PCDHGB5: variants seen among roughly 807,000 people sequenced by gnomAD.
PCDHGB5 encodes protocadherin gamma-B5.
Under a neutral mutation model 62.9 loss-of-function variants are expected in PCDHGB5, and 48 were observed. The observed-to-expected ratio is 0.76, with a 90% CI of 0.61 to 0.97. PCDHGB5 has a LOEUF of 0.97. PCDHGB5 is among the 50% of genes least tolerant of loss of function. The pLI is 0.00. For missense variants in PCDHGB5, 1,118 were observed against 1,198.6 expected, an observed-to-expected ratio of 0.93 and a Z score of 0.99; for synonymous variants, 474 against 511.2, an observed-to-expected ratio of 0.93 and a Z score of 0.98.
intron 1 of PCDHGB5, among the ~76,000 whole-genome samples, chr5:141,459,691 C>T (rs754899227): frequency 3.9e-5 from 6 of 152,158 alleles, no homozygotes; most frequent in East Asian, 1.9e-4. Flanking sequence ...TAAAGCGTTC[C>T]GCTTGCTACA....
chr5:141,420,963 A>T, intron 1 of PCDHGB5: 1 of 430,262 alleles, frequency 2.3e-6, no homozygotes, highest in Non-Finnish European at 4.1e-6. Flanking sequence ...TAGTCGTTGC[A>T]ATAATAAGAA....
At chr5:141,501,510 T>G (rs11744379) in intron 2 of PCDHGB5, among the ~76,000 whole-genome samples, 29,206 of 151,772 alleles carry the variant, frequency 0.19, 2,837 homozygotes, top group Middle Eastern at 0.24. Context: ...CTCCAAGGCC[T>G]CCAAGCTGAA....
At chr5:141,424,726 T>C (rs1041673348) in intron 1 of PCDHGB5, 7 of 152,218 alleles carry the variant, frequency 4.6e-5, no homozygotes, top group African/African-American at 4.8e-5. Context: ...TTGGGAGTCA[T>C]AGATTCCTTC....
rs1031624761 is a variant in PCDHGB5 at position 141,433,138 on chromosome 5, G to A, written c.2397+32614G>A. The A allele has an allele frequency of 2.5e-6, 4 of 1,614,038 alleles. No individual in the cohort carries two copies. In the Admixed American group the frequency reaches 6.7e-5, roughly 27 times the overall value. On this transcript the variant is annotated intron_variant, in intron 1 of 3. Coordinates refer to ENST00000617380, the MANE Select transcript of PCDHGB5 (RefSeq NM_018925.3). ...TTGAAAAAAGCGAGCCCCTTTTGCT[G>A]TCAGGTGATTCGGTATTTTCTAAAG...
chr5:141,413,578 C>G, intron 1 of PCDHGB5: 1 of 1,613,870 alleles, frequency 6.2e-7, no homozygotes, highest in Non-Finnish European at 8.5e-7. Flanking sequence ...TGACAATGCT[C>G]CAAAATTCCA....
intron 1 of PCDHGB5, among the ~76,000 whole-genome samples, chr5:141,438,793 C>T (rs982191766): frequency 2.7e-5 from 4 of 149,544 alleles, no homozygotes; most frequent in African/African-American, 7.4e-5. Context: ...TCTCCAGTAG[C>T]TGGGATTACA....
chr5:141,454,796 ATTTTTT>A (rs61612330), intron 1 of PCDHGB5, among the ~76,000 whole-genome samples: 41 of 77,454 alleles, frequency 5.3e-4, no homozygotes, highest in African/African-American at 1.7e-3. Context: ...CATGGTTCTA[ATTTTTT>A]TTTTTTTTTT....
At chr5:141,501,901 C>T (rs1595767273) in intron 2 of PCDHGB5, among the ~76,000 whole-genome samples, 1 of 152,070 alleles carries the variant, frequency 6.6e-6, no homozygotes, top group Non-Finnish European at 1.5e-5. Context: ...TGGTTCCAAC[C>T]CCACTGTTCC....
Position 141,399,034 on chromosome 5 carries a change from C to T in PCDHGB5, c.907C>T (p.Leu303=). 1 of 1,613,796 alleles carries T rather than the reference C, an allele frequency of 6.2e-7. No individual in the cohort carries two copies. Among genetic ancestry groups the T allele is most frequent in the Non-Finnish European group, 8.5e-7 (1 of 1,179,844 alleles). ...KSGEITTQKK[L]DFEETKEYSM... ...CGGAGAAATTACCACTCAAAAGAAA[C>T]TGGATTTTGAAGAGACCAAGGAATA... The change falls in exon 1 of 4, where the codon CTG becomes TTG. Residue 303 remains leucine (L), a synonymous_variant. Coordinates refer to ENST00000617380, the MANE Select transcript of PCDHGB5 (RefSeq NM_018925.3).
chr5:141,421,847 C>G, intron 1 of PCDHGB5: 1 of 1,613,752 alleles, frequency 6.2e-7, no homozygotes, highest in Non-Finnish European at 8.5e-7. Flanking sequence ...GAGAAAGAGG[C>G]TGCTCACCTG....
intron 1 of PCDHGB5, chr5:141,417,977 G>A (rs752463782): frequency 6.2e-7 from 1 of 1,613,872 alleles, no homozygotes; most frequent in Admixed American, 1.7e-5. Flanking sequence ...GATTCCGGAG[G>A]AGCTGGCCAA....
In PCDHGB5 at chr5:141,485,234, T is replaced by A. The variant is rs780126313; in HGVS notation, c.2398-9573T>A. 1 of 1,614,124 alleles carries A rather than the reference T, an allele frequency of 6.2e-7. No homozygotes were observed. The highest frequency in any genetic ancestry group is 1.1e-5 in the South Asian group (1 of 91,080). On this transcript the variant is annotated intron_variant, in intron 1 of 3. Transcript: ENST00000617380. This position sits in a 1 kb window ranked among gnomAD's most constrained non-coding sequence, Gnocchi z 5.7. ...GCGGTGGGCTACCCTTTTGTTCCTC[T>A]TTTACCACCTGGGTTACGTTTGTGG...
chr5:141,414,290 T>G (rs781378958), intron 1 of PCDHGB5: 5 of 1,613,154 alleles, frequency 3.1e-6, no homozygotes, highest in Non-Finnish European at 4.2e-6. Context: ...GTCGTAGCCC[T>G]TTTAAATGTG....
At chr5:141,429,489 A>G (rs2097218567) in intron 1 of PCDHGB5, among the ~76,000 whole-genome samples, 1 of 152,062 alleles carries the variant, frequency 6.6e-6, no homozygotes, top group South Asian at 2.1e-4. Context: ...AGCTGAGACT[A>G]CAGTTGCCTG....
chr5:141,462,375 T>G (rs2099038282), intron 1 of PCDHGB5, among the ~76,000 whole-genome samples: 1 of 152,252 alleles, frequency 6.6e-6, no homozygotes, highest in Non-Finnish European at 1.5e-5. Context: ...TTCTATTCTT[T>G]TAAATTCGTT....
chr5:141,498,814 T>G (rs2099785952), intron 2 of PCDHGB5, among the ~76,000 whole-genome samples: 1 of 151,956 alleles, frequency 6.6e-6, no homozygotes. Flanking sequence ...ACACCTGTAG[T>G]CCCAGCTACT....
chr5:141,491,578 C>G lies in PCDHGB5; in HGVS notation c.2398-3229C>G, dbSNP rs1438933474. ...CCACTGCTACAGGACGTGCTTTTCA[C>G]CGGCCTCGGACGGCAGTGACTTCAC... On this transcript the variant is annotated intron_variant, in intron 1 of 3. Transcript: ENST00000617380. This position sits in a 1 kb window ranked among gnomAD's most constrained non-coding sequence, Gnocchi z 6.9. The G allele has an allele frequency of 1.9e-6, 3 of 1,614,006 alleles. No individual in the cohort carries two copies. Among genetic ancestry groups the G allele is most frequent in the Non-Finnish European group, 2.5e-6 (3 of 1,180,036 alleles).
At chr5:141,449,566 G>A (rs1235137244) in intron 1 of PCDHGB5, among the ~76,000 whole-genome samples, 4 of 147,126 alleles carry the variant, frequency 2.7e-5, no homozygotes, top group East Asian at 4.0e-4. Context: ...TCCAGCCTGG[G>A]CGACAGAGCA....
At chr5:141,475,884 G>C (rs998700290) in intron 1 of PCDHGB5, 1 of 557,810 alleles carries the variant, frequency 1.8e-6, no homozygotes, top group Non-Finnish European at 3.2e-6. Flanking sequence ...TATTGGCTGG[G>C]ACTCTGTGTG....
Sources: allele counts gnomAD v4.1 joint callset (sites outside exome capture counted in the v4.1 genomes callset), GRCh38; gene constraint gnomAD v4.1.1; non-coding constraint Gnocchi (gnomAD v3.1); transcripts MANE v1.5; gene names NCBI Gene and HGNC (gene_info 2026-07-23, HGNC 2026-07-21).